The following TROAP variants were observed in gnomAD, a reference collection of about 807,000 sequenced individuals.
TROAP encodes tastin.
In TROAP, 62 loss-of-function variants were observed where a neutral mutation model predicts 83.4. The ratio of observed to expected loss-of-function variants is 0.74; its 90% CI spans 0.61 to 0.92. The LOEUF is 0.92. Among genes scored for constraint, TROAP ranks in the 40% least tolerant of loss-of-function variants. The probability of loss-of-function intolerance (pLI) is 0.00; values close to 1 mark genes in which losing one functional copy is unlikely to be tolerated. For missense variants in TROAP, 876 were observed against 985.1 expected, an observed-to-expected ratio of 0.89 and a Z score of 1.48; for synonymous variants, 352 against 386.4, an observed-to-expected ratio of 0.91 and a Z score of 1.04.
rs776248586 is a variant in TROAP, at chr12:49,323,946, G to A, written c.246G>A (p.Leu82=). The change falls in exon 3 of 15, where the codon TTG becomes TTA. Residue 82 remains leucine, a synonymous_variant. Coordinates refer to ENST00000257909, the MANE Select transcript of TROAP (RefSeq NM_005480.4). The part of the protein sequence containing the change: ...ARHQAETSQR[L]VGISQPRNPL... ...ACCAGGCAGAGACATCACAAAGATT[G>A]GTGGGGATCAGTCAGCCTCGGAACC... 33 of 1,614,064 alleles carry A rather than the reference G, an allele frequency of 2.0e-5. No homozygotes were observed. Among genetic ancestry groups the A allele is most frequent in the Non-Finnish European group, 2.7e-5 (32 of 1,180,058 alleles).
In TROAP at chr12:49,329,763, G is replaced by A; in HGVS notation, c.1165-94G>A. ...TGTACATCTAGGGCCTCTCAGTTAG[G>A]GGCTTCAATCCATTCCTCATGAGGG... is the stretch of plus-strand genomic sequence containing the variant. On this transcript the variant is annotated intron_variant, in intron 11 of 14. Transcript: ENST00000257909. The surrounding 1 kb of genome is among the most constrained non-coding windows in gnomAD (Gnocchi z 4.5). The A allele has an allele frequency of 1.3e-6, 2 of 1,526,154 alleles. No homozygotes were observed. Among genetic ancestry groups the A allele is most frequent in the Non-Finnish European group, 1.8e-6 (2 of 1,131,830 alleles). 94.5% of individuals were successfully genotyped at this position (1,526,154 alleles called of 1,614,324 possible).
At chr12:49,324,202 T>C in intron 3 of TROAP, 165 bp downstream of exon 3, 2 of 1,614,104 alleles carry the variant, frequency 1.2e-6, no homozygotes, top group Non-Finnish European at 1.7e-6. Flanking sequence ...AAGATCTCCC[T>C]TTCCTCCAGC....
At position 49,330,887 on chromosome 12, in the gene TROAP, G is replaced by A; in HGVS notation, c.2042G>A (p.Cys681Tyr). The A allele has an allele frequency of 6.2e-7, 1 of 1,612,914 alleles. No homozygotes were observed. Among genetic ancestry groups the A allele is most frequent in the Non-Finnish European group, 8.5e-7 (1 of 1,179,966 alleles). ...SLIFSSQHPL[C>Y]ASPPICSLQS... ...ATCTTCTCTTCCCAACACCCGCTTT[G>A]TGCCAGCCCCCCTATCTGCTCACTC... is the stretch of plus-strand genomic sequence containing the variant. The change falls in exon 13 of 15, where the codon TGT (cysteine) becomes TAT (tyrosine). Residue 681 changes from cysteine to tyrosine, a missense_variant. By Grantham distance (194) the Cys-to-Tyr change is radical. This residue lies in a region of TROAP where 184 missense variants were observed against 238.3 expected (regional missense o/e 0.77). Coordinates refer to ENST00000257909, the MANE Select transcript of TROAP (RefSeq NM_005480.4).
intron 3 of TROAP, 152 bp from the exon 4 acceptor site, chr12:49,325,349 C>G (rs1592310208): frequency 1.3e-6 from 1 of 785,058 alleles, no homozygotes; most frequent in African/African-American, 1.8e-5. Context: ...AGCCACTGCA[C>G]CCAGCCATCT....
intron 6 of TROAP, 70 bp from the exon 7 acceptor site, chr12:49,326,598 A>G: frequency 2.1e-6 from 3 of 1,446,246 alleles, no homozygotes; most frequent in East Asian, 2.5e-5. Flanking sequence ...ATGTTTGTAA[A>G]GCACTTAGCA....
chr12:49,331,475 CA>C (rs752184770), intron 14 of TROAP, 68 bp downstream of exon 14: 168 of 1,609,744 alleles, frequency 1.0e-4, no homozygotes, highest in Non-Finnish European at 1.4e-4. Flanking sequence ...GGAACAGGGA[CA>C]GGGGGCCACC....
chr12:49,330,809 A>T lies in TROAP; in HGVS notation c.1964A>T (p.Glu655Val). The change falls in exon 13 of 15, where the codon GAG becomes GTG. Residue 655 changes from glutamate to valine, a missense_variant. Transcript: ENST00000257909. Reference sequence around the variant, plus strand: ...TGCACCCTGGAACATAGAAGTCTAGAGTCCAGTCTACCACCCTGCTGCAGT... The same window carrying T: ...TGCACCCTGGAACATAGAAGTCTAGTGTCCAGTCTACCACCCTGCTGCAGT... ...EPCTLEHRSL[E>V]SSLPPCCSQW... 1 of 1,613,872 alleles carries T rather than the reference A, an allele frequency of 6.2e-7. No individual in the cohort carries two copies. The highest frequency in any genetic ancestry group is 8.5e-7 in the Non-Finnish European group (1 of 1,179,982).
rs1186254735 is a variant in TROAP at position 49,329,877 on chromosome 12, G to A, written c.1185G>A (p.Leu395=). The part of the protein sequence containing the change: ...ALPWEQVAVR[L]FDQESCIRSL... ...GACAGGAGCAGGTTGCCGTCCGGTT[G>A]TTTGACCAGGAGAGTTGTATAAGGT... Residue 395 remains leucine, a synonymous_variant, in exon 12 of 15, where the codon TTG becomes TTA. Transcript: ENST00000257909. The surrounding 1 kb of genome is among the most constrained non-coding windows in gnomAD (Gnocchi z 4.5). 1 of 1,614,000 alleles carries A rather than the reference G, an allele frequency of 6.2e-7. No individual in the cohort carries two copies. Among genetic ancestry groups the A allele is most frequent in the Non-Finnish European group, 8.5e-7 (1 of 1,179,970 alleles).
chr12:49,325,757 C>T lies in TROAP; in HGVS notation c.506C>T (p.Ala169Val), dbSNP rs145449452. 8.3e-4 allele frequency: 1,340 copies of T among 1,613,580 alleles called. 2 individuals are homozygous for T. The highest frequency in any genetic ancestry group is 1.1e-3 in the Non-Finnish European group (1,254 of 1,179,810). ...GTTQRVQGVR[A>V]SAYLAPRTPT... ...CTGTTGGTGTCCCAGGGTGTTCGGG[C>T]CTCTGCATATTTGGCCCCCAGAACC... is the stretch of plus-strand genomic sequence containing the variant. Residue 169 changes from alanine (A) to valine (V), a missense_variant, in exon 5 of 15, where the codon GCC becomes GTC. This residue lies in a region of TROAP where 689 missense variants were observed against 722.6 expected (regional missense o/e 0.95). Coordinates refer to ENST00000257909, the MANE Select transcript of TROAP (RefSeq NM_005480.4).
rs1268136677 is a variant in TROAP at position 49,329,959 on chromosome 12, A to G, written c.1267A>G (p.Arg423Gly). The change falls in exon 12 of 15, where the codon AGA becomes GGA. Residue 423 changes from arginine to glycine, a missense_variant. By Grantham distance (125) the Arg-to-Gly change is moderately radical. Around this residue, in one of 3 missense-constraint regions of TROAP, gnomAD observed 689 missense variants for 722.6 expected, o/e 0.95. Transcript: ENST00000257909. This position sits in a 1 kb window ranked among gnomAD's most constrained non-coding sequence, Gnocchi z 4.5. Reference sequence around the variant, plus strand: ...CACTCCTTCTGGACCCCACTCTAACAGAACCCCCAGCCTCCAGGAGGTGAA... The same window carrying G: ...CACTCCTTCTGGACCCCACTCTAACGGAACCCCCAGCCTCCAGGAGGTGAA... ...VATPSGPHSN[R>G]TPSLQEVKIQ... 1.2e-6 allele frequency: 2 copies of G among 1,614,192 alleles called. No individual in the cohort carries two copies. Among genetic ancestry groups the G allele is most frequent in the Non-Finnish European group, 1.7e-6 (2 of 1,180,018 alleles).
In TROAP at chr12:49,330,230, C is replaced by A; in HGVS notation, c.1385C>A (p.Ser462Tyr). The A allele has an allele frequency of 6.2e-7, 1 of 1,614,150 alleles. No homozygotes were observed. Among genetic ancestry groups the A allele is most frequent in the Non-Finnish European group, 8.5e-7 (1 of 1,180,014 alleles). ...TGTGTCCCTCTTAATGGAGGCTCTT[C>A]TCTGGATATGGTTGAACTTCAGCCC... ...GQCVPLNGGSSLDMVELQPLL... is the reference protein window; with the variant it reads ...GQCVPLNGGSYLDMVELQPLL... Residue 462 changes from serine to tyrosine, a missense_variant, in exon 13 of 15, where the codon TCT (serine) becomes TAT (tyrosine). By Grantham distance (144) the Ser-to-Tyr change is moderately radical. Around this residue, in one of 3 missense-constraint regions of TROAP, gnomAD observed 689 missense variants for 722.6 expected, o/e 0.95. Coordinates refer to ENST00000257909, the MANE Select transcript of TROAP (RefSeq NM_005480.4).
intron 1 of TROAP, 106 bp from the exon 2 acceptor site, chr12:49,323,498 G>T (rs1313458214): frequency 1.2e-5 from 17 of 1,460,094 alleles, no homozygotes; most frequent in Non-Finnish European, 1.2e-5. Context: ...GCTTGTGGGC[G>T]CGTGGATTAG....
chr12:49,326,535 A>G, intron 6 of TROAP, 133 bp from the exon 7 acceptor site: 1 of 1,085,790 alleles, frequency 9.2e-7, no homozygotes, highest in Admixed American at 2.6e-5. Context: ...TTCTTTGTCA[A>G]GTGAGAATAA....
Position 49,329,206 on chromosome 12 carries a change from C to A in TROAP, c.1066C>A (p.Arg356=), listed in dbSNP as rs576666070. 3 of 1,614,202 alleles carry A rather than the reference C, an allele frequency of 1.9e-6. No homozygotes were observed. In the African/African-American group the frequency reaches 4.0e-5, roughly 22 times the overall value. Residue 356 remains arginine, a synonymous_variant, in exon 10 of 15, where the codon CGG becomes AGG. Transcript: ENST00000257909. This position sits in a 1 kb window ranked among gnomAD's most constrained non-coding sequence, Gnocchi z 4.5. The stretch of plus-strand genomic sequence containing the variant: ...GCGTCTCACCGTTCAACCTAAAACC[C>A]GGTTCACACCCATGCCATCAACCCC... ...LRRLTVQPKT[R]FTPMPSTPRV...
Position 49,331,052 on chromosome 12 carries a change from C to T in TROAP, c.2098+109C>T, listed in dbSNP as rs141315505. ...GGCAATCTCATGCTTCCACACCTTC[C>T]ACCCTGGCCCAGCCTGGCTCTCCCT... On this transcript the variant is annotated intron_variant, in intron 13 of 14. Transcript: ENST00000257909. The T allele has an allele frequency of 4.7e-5, 73 of 1,542,462 alleles. No individual in the cohort carries two copies. In the African/African-American group the frequency reaches 7.3e-4, roughly 15 times the overall value.
intron 13 of TROAP, 42 bp from the exon 14 acceptor site, chr12:49,331,172 A>G (rs3088008): frequency 6.2e-7 from 1 of 1,611,246 alleles, no homozygotes; most frequent in Non-Finnish European, 8.5e-7. Context: ...TGGTGGAAGT[A>G]TAGGACCCCA....
chr12:49,331,166 G>A (rs1401579013), intron 13 of TROAP, 48 bp from the exon 14 acceptor site: 1 of 1,610,126 alleles, frequency 6.2e-7, no homozygotes, highest in Non-Finnish European at 8.5e-7. Flanking sequence ...AGTACATGGT[G>A]GAAGTATAGG....
intron 3 of TROAP, among the ~76,000 whole-genome samples, chr12:49,324,746 G>T (rs116986037): frequency 0.026 from 2,500 of 97,466 alleles, 24 homozygotes; most frequent in African/African-American, 0.038. Flanking sequence ...TTTTTTTTTT[G>T]TGGAGACAGA....
Position 49,329,901 on chromosome 12 carries a change from G to T in TROAP, c.1209G>T (p.Arg403Ser). ...VRLFDQESCIRSLEGSGKPPV... is the reference protein window; with the variant it reads ...VRLFDQESCISSLEGSGKPPV... ...TGTTTGACCAGGAGAGTTGTATAAG[G>T]TCACTGGAGGGTTCTGGGAAACCAC... Residue 403 changes from arginine (R) to serine (S), a missense_variant, in exon 12 of 15, where the codon AGG becomes AGT. Physicochemically the swap from Arg to Ser is moderately radical, Grantham distance 110. Transcript: ENST00000257909. This position sits in a 1 kb window ranked among gnomAD's most constrained non-coding sequence, Gnocchi z 4.5. The T allele has an allele frequency of 6.2e-7, 1 of 1,614,062 alleles. No individual in the cohort carries two copies. Among genetic ancestry groups the T allele is most frequent in the Non-Finnish European group, 8.5e-7 (1 of 1,180,008 alleles).
Sources: allele counts gnomAD v4.1 joint callset (sites outside exome capture counted in the v4.1 genomes callset), GRCh38; gene constraint gnomAD v4.1.1; regional missense constraint gnomAD v4.1.1; non-coding constraint Gnocchi (gnomAD v3.1); transcripts MANE v1.5; gene names NCBI Gene and HGNC (gene_info 2026-07-23, HGNC 2026-07-21).